The following KATNBL1 variants were observed in gnomAD, a reference collection of about 807,000 sequenced individuals.
KATNBL1 encodes katanin regulatory subunit B1 like 1.
KATNBL1 carries 28 observed loss-of-function variants against 44.7 expected under a neutral mutation model. The observed-to-expected ratio is 0.63, with a 90% CI of 0.46 to 0.86. The LOEUF (loss-of-function observed/expected upper bound fraction) is 0.86, where lower values mean the gene tolerates loss of function less well. Ranked by LOEUF, KATNBL1 falls within the 40% of genes least tolerant of loss-of-function variation. KATNBL1 has a pLI of 0.00. For missense variants in KATNBL1, 272 were observed against 350.7 expected (o/e 0.78, Z 1.79); for synonymous variants, 78 against 114.9 (o/e 0.68, Z 2.06).
intron 1 of KATNBL1, among the ~76,000 whole-genome samples, chr15:34,196,975 T>C (rs559724440): frequency 6.6e-6 from 1 of 152,332 alleles, no homozygotes; most frequent in African/African-American, 2.4e-5. Context: ...AACAATATAT[T>C]TTAAATTCCT....
chr15:34,208,360 G>A (rs1890348001), intron 1 of KATNBL1, among the ~76,000 whole-genome samples: 1 of 152,198 alleles, frequency 6.6e-6, no homozygotes, highest in African/African-American at 2.4e-5. Flanking sequence ...GCAATCGAAA[G>A]CTTTGTAACT....
At position 34,158,770 on chromosome 15, in the gene KATNBL1, C is replaced by G. The variant is rs79870625; in HGVS notation, c.118-4086G>C. Among the ~76,000 whole-genome samples the G allele has an allele frequency of 3.3e-3, 500 of 152,278 alleles. 23 individuals carry two copies. In the East Asian group the frequency reaches 0.084, roughly 26 times the overall value. ...GCAGACCAATTACTGAGTAGTATTC[C>G]TGACTCTACTTCTGCAAGGAGTTCC... On this transcript the variant is annotated intron_variant, in intron 2 of 9. Transcript: ENST00000256544.
At chr15:34,155,570 T>G (rs755429919) in intron 2 of KATNBL1, among the ~76,000 whole-genome samples, 9 of 152,192 alleles carry the variant, frequency 5.9e-5, no homozygotes, top group Admixed American at 1.3e-4. Flanking sequence ...GACAGAGCAG[T>G]TAGACCTTGC....
chr15:34,156,945 C>CAT (rs2140917720), intron 2 of KATNBL1, among the ~76,000 whole-genome samples: 1 of 152,302 alleles, frequency 6.6e-6, no homozygotes, highest in South Asian at 2.1e-4. Flanking sequence ...CCAACTACAG[C>CAT]ATAAAAGCTT....
chr15:34,197,713 A>C (rs1012109105), intron 1 of KATNBL1, among the ~76,000 whole-genome samples: 6 of 152,210 alleles, frequency 3.9e-5, no homozygotes, highest in Non-Finnish European at 5.9e-5. Context: ...AATTTTTACC[A>C]GTAAAAAATA....
intron 4 of KATNBL1, among the ~76,000 whole-genome samples, chr15:34,152,029 C>T (rs1185579644): frequency 1.3e-5 from 2 of 151,398 alleles, no homozygotes; most frequent in African/African-American, 4.9e-5. Flanking sequence ...CAACCTCTGC[C>T]TCCCAGGTTC....
intron 2 of KATNBL1, 149 bp from the exon 3 acceptor site, chr15:34,154,833 C>G: frequency 1.6e-6 from 1 of 629,156 alleles, no homozygotes; most frequent in South Asian, 1.8e-5. Context: ...CAAGAGCATA[C>G]CGGGCATGGG....
At chr15:34,189,758 TTTA>T (rs1597457623) in intron 1 of KATNBL1, among the ~76,000 whole-genome samples, 1 of 152,198 alleles carries the variant, frequency 6.6e-6, no homozygotes, top group Non-Finnish European at 1.5e-5. Context: ...ACAAAAATAT[TTTA>T]TTATCTCTTA....
At chr15:34,208,012 A>G (rs192578189) in intron 1 of KATNBL1, among the ~76,000 whole-genome samples, 62 of 152,268 alleles carry the variant, frequency 4.1e-4, no homozygotes, top group Admixed American at 3.5e-3. Context: ...AGTGTCATAT[A>G]TATTTTTTGT....
At chr15:34,207,072 C>A (rs183291740) in intron 1 of KATNBL1, among the ~76,000 whole-genome samples, 94 of 145,392 alleles carry the variant, frequency 6.5e-4, no homozygotes, top group African/African-American at 2.3e-3. Flanking sequence ...CAGGGTCTTG[C>A]TTTGTCACCC....
chr15:34,145,218 G>A (rs1268652964), intron 9 of KATNBL1, 180 bp downstream of exon 9: 2 of 1,387,828 alleles, frequency 1.4e-6, no homozygotes, highest in Admixed American at 2.2e-5. Context: ...CAATTCCTGT[G>A]CTTGCTGCCA....
intron 1 of KATNBL1, among the ~76,000 whole-genome samples, chr15:34,172,760 G>GACACACACAC (rs34182114): frequency 1.9e-4 from 28 of 146,540 alleles, no homozygotes; most frequent in African/African-American, 3.8e-4. Flanking sequence ...CACAGACACA[G>GACACACACAC]ACACACACAC....
At chr15:34,154,937 C>CT (rs1888594762) in intron 2 of KATNBL1, 1 of 452,236 alleles carries the variant, frequency 2.2e-6, no homozygotes, top group Admixed American at 3.8e-5. Context: ...TAAACTAATT[C>CT]TGATAGGCTA....
intron 9 of KATNBL1, among the ~76,000 whole-genome samples, chr15:34,143,639 A>G (rs561718037): frequency 9.2e-5 from 14 of 151,966 alleles, no homozygotes; most frequent in Admixed American, 2.6e-4. Context: ...TGATATGTTC[A>G]TAAGATTTTC....
At chr15:34,178,099 A>G (rs1482379000) in intron 1 of KATNBL1, 1 of 152,238 alleles carries the variant, frequency 6.6e-6, no homozygotes, top group Non-Finnish European at 1.5e-5. Flanking sequence ...TAACCCAAAG[A>G]CAGTTAATAG....
intron 5 of KATNBL1, 58 bp from the exon 6 acceptor site, chr15:34,147,488 A>T (rs202128690): frequency 4.5e-6 from 6 of 1,345,816 alleles, no homozygotes; most frequent in Non-Finnish European, 6.3e-6. Context: ...ATTTACTTTC[A>T]TATTATGATT....
At chr15:34,177,936 C>G (rs1484494064) in intron 1 of KATNBL1, 2 of 152,186 alleles carry the variant, frequency 1.3e-5, no homozygotes, top group East Asian at 3.8e-4. Context: ...GTCATTCCCA[C>G]TATGGCAAAG....
At chr15:34,161,132 G>A (rs1241450309) in intron 2 of KATNBL1, among the ~76,000 whole-genome samples, 1 of 152,156 alleles carries the variant, frequency 6.6e-6, no homozygotes, top group East Asian at 1.9e-4. Context: ...GCACTCAGTT[G>A]TGCATCTCAT....
rs1218435845 is a variant in KATNBL1 at position 34,147,783 on chromosome 15, T to G, written c.558-353A>C. ...ATAAGTTGGTCAAAGAAGGCTTCCC[T>G]AAGGTAACATCTGAGAGACTTGAAT... On this transcript the variant is annotated intron_variant, in intron 5 of 9. Coordinates refer to ENST00000256544, the MANE Select transcript of KATNBL1 (RefSeq NM_024713.3). Among the ~76,000 whole-genome samples the G allele has an allele frequency of 2.0e-5, 3 of 152,336 alleles. No individual in the cohort carries two copies. The East Asian group carries it at 5.8e-4, about 29-fold the overall frequency.
Sources: gnomAD v4.1 joint callset for allele counts (sites outside exome capture counted in the v4.1 genomes callset) on GRCh38, gnomAD v4.1.1 for gene constraint, MANE v1.5 for transcripts, NCBI Gene and HGNC (gene_info 2026-07-23, HGNC 2026-07-21) for gene names.